Variants in SPSB1 observed in about 807,000 individuals in gnomAD.
SPSB1 encodes SPRY domain-containing SOCS box protein 1.
Under a neutral mutation model 21.2 loss-of-function variants are expected in SPSB1, and 8 were observed. That is an observed-to-expected ratio of 0.38 (90% CI 0.22 to 0.68). The LOEUF is 0.68. Among genes scored for constraint, SPSB1 ranks in the 30% least tolerant of loss-of-function variants. The probability of loss-of-function intolerance (pLI) is 0.53; values close to 1 mark genes in which losing one functional copy is unlikely to be tolerated. For missense variants in SPSB1, 242 were observed against 377.8 expected (o/e 0.64, Z 2.98); for synonymous variants, 169 against 161.7 (o/e 1.05, Z -0.34).
At position 9,293,401 on chromosome 1, in the gene SPSB1, C is replaced by T. The variant is rs1475208068; in HGVS notation, c.-150+330C>T. On this transcript the variant is annotated intron_variant, in intron 1 of 2. Transcript: ENST00000328089. This position sits in a 1 kb window ranked among gnomAD's most constrained non-coding sequence, Gnocchi z 5.1. ...GCGCGGGGACCGTCGCAACGAGTTG[C>T]GGTCCCGAGGAGGGGCTGGGGCGCT... Among the ~76,000 whole-genome samples the T allele has an allele frequency of 6.6e-6, 1 of 151,378 alleles. No homozygotes were observed. The highest frequency in any genetic ancestry group is 2.0e-4 in the East Asian group (1 of 5,128).
intron 1 of SPSB1, among the ~76,000 whole-genome samples, chr1:9,338,445 G>T (rs1640039038): frequency 6.6e-6 from 1 of 152,226 alleles, no homozygotes; most frequent in African/African-American, 2.4e-5. Context: ...GTGGGGGTCA[G>T]TGTACCTAAG....
intron 1 of SPSB1, among the ~76,000 whole-genome samples, chr1:9,307,993 C>T (rs1322696273): frequency 2.0e-5 from 3 of 152,156 alleles, no homozygotes; most frequent in Non-Finnish European, 4.4e-5. Context: ...TCATGGTGCT[C>T]CTCCTCCTGG....
chr1:9,337,765 C>G (rs1640027439), intron 1 of SPSB1, among the ~76,000 whole-genome samples: 1 of 152,226 alleles, frequency 6.6e-6, no homozygotes, highest in Admixed American at 6.5e-5. Context: ...CCTCCCTGCT[C>G]CCTGCCTCCG....
In SPSB1 at chr1:9,292,923, C is replaced by A; in HGVS notation, c.-298C>A. ...AGAAGTCGCGCTCGGGCAGCCTGCG[C>A]GCTCGCAGCAGGAACCAGGCTCCAG... On this transcript the variant is annotated 5_prime_UTR_variant, in exon 1 of 3. Coordinates refer to ENST00000328089, the MANE Select transcript of SPSB1 (RefSeq NM_025106.4). 1 of 975,068 alleles carries A rather than the reference C, an allele frequency of 1.0e-6. No individual in the cohort carries two copies. Among genetic ancestry groups the A allele is most frequent in the Non-Finnish European group, 1.2e-6 (1 of 826,716 alleles). 60.4% of individuals were successfully genotyped at this position (975,068 alleles called of 1,614,324 possible). A position where few individuals can be genotyped will look rare whatever the true frequency, so the allele number is the denominator to read the frequency against.
intron 2 of SPSB1, among the ~76,000 whole-genome samples, chr1:9,360,352 T>C (rs999851697): frequency 5.9e-5 from 9 of 152,194 alleles, no homozygotes; most frequent in African/African-American, 2.2e-4. Context: ...GAATTGGCAG[T>C]TGACCTTGAG....
chr1:9,356,905 G>A lies in SPSB1; in HGVS notation c.694+320G>A, dbSNP rs141205290. 3.0e-3 allele frequency among the ~76,000 whole-genome samples: 463 copies of A among 152,196 alleles called. 2 individuals carry two copies. The highest frequency in any genetic ancestry group is 5.3e-3 in the Non-Finnish European group (362 of 67,994). ...AGATGAGTGAATAATGGATGGATGC[G>A]TGTATAATGAATTGATGGATGAATG... On this transcript the variant is annotated intron_variant, in intron 2 of 2. Coordinates refer to ENST00000328089, the MANE Select transcript of SPSB1 (RefSeq NM_025106.4). This position sits in a 1 kb window ranked among gnomAD's most constrained non-coding sequence, Gnocchi z 7.4.
chr1:9,357,882 C>A (rs1306979092), intron 2 of SPSB1, among the ~76,000 whole-genome samples: 1 of 152,182 alleles, frequency 6.6e-6, no homozygotes, highest in Non-Finnish European at 1.5e-5. Flanking sequence ...TGAGTCCCTT[C>A]TACCGCCTGC....
At chr1:9,308,007 G>A (rs1452266824) in intron 1 of SPSB1, among the ~76,000 whole-genome samples, 3 of 152,186 alleles carry the variant, frequency 2.0e-5, no homozygotes, top group East Asian at 1.9e-4. Flanking sequence ...CTCCTGGGGG[G>A]CAGGAGCTGT....
At position 9,354,245 on chromosome 1, in the gene SPSB1, C is replaced by T. The variant is rs12404231; in HGVS notation, c.-149-1498C>T. On this transcript the variant is annotated intron_variant, in intron 1 of 2. Transcript: ENST00000328089. Reference sequence around the variant, plus strand: ...CCCCTACCCCGGGTTCCTTTGGGTTCTCTTTGTCTCCTTTACTCGGGCACC... The same window carrying T: ...CCCCTACCCCGGGTTCCTTTGGGTTTTCTTTGTCTCCTTTACTCGGGCACC... Among the ~76,000 whole-genome samples, 226 of 152,190 alleles carry T rather than the reference C, an allele frequency of 1.5e-3. 3 individuals are homozygous for T. The highest frequency in any genetic ancestry group is 2.5e-3 in the Non-Finnish European group (167 of 68,022).
Position 9,333,926 on chromosome 1 carries a change from C to T in SPSB1, c.-149-21817C>T, listed in dbSNP as rs146341095. On this transcript the variant is annotated intron_variant, in intron 1 of 2. Coordinates refer to ENST00000328089, the MANE Select transcript of SPSB1 (RefSeq NM_025106.4). ...AGGTGGGGCCTGGCCAGGGATGCTC[C>T]GCCACATTCCTTCTCATTTTTTTGC... 5.4e-3 allele frequency among the ~76,000 whole-genome samples: 817 copies of T among 152,194 alleles called. 8 individuals carry two copies. The highest frequency in any genetic ancestry group is 0.019 in the African/African-American group (779 of 41,518).
intron 1 of SPSB1, among the ~76,000 whole-genome samples, chr1:9,309,883 C>T (rs1386205607): frequency 6.6e-6 from 1 of 152,090 alleles, no homozygotes; most frequent in East Asian, 1.9e-4. Context: ...ATAGTGGTAA[C>T]TGGGGGCCCT....
At chr1:9,307,859 C>T (rs1639445738) in intron 1 of SPSB1, among the ~76,000 whole-genome samples, 1 of 152,198 alleles carries the variant, frequency 6.6e-6, no homozygotes, top group African/African-American at 2.4e-5. Flanking sequence ...ATGATGTGGT[C>T]TTCGGGGTGC....
chr1:9,355,473 C>T (rs1296988521), intron 1 of SPSB1, among the ~76,000 whole-genome samples: 3 of 152,238 alleles, frequency 2.0e-5, no homozygotes, highest in Admixed American at 6.5e-5. Context: ...TGTGTCTGTA[C>T]CCAACACAGA....
chr1:9,367,434 C>A lies in SPSB1; in HGVS notation c.695-14C>A. The A allele has an allele frequency of 1.2e-6, 2 of 1,613,148 alleles. No homozygotes were observed. The highest frequency in any genetic ancestry group is 4.5e-5 in the East Asian group (2 of 44,894). On this transcript the variant is annotated splice_polypyrimidine_tract_variant and intron_variant, in intron 2 of 2. Transcript: ENST00000328089. This position sits in a 1 kb window ranked among gnomAD's most constrained non-coding sequence, Gnocchi z 5.9. ...CCCAAGCTGCGCTGACCTGCAGTTT[C>A]TCTGTCTCCCCAGCCGAGCCGCTGC...
At chr1:9,333,627 G>A (rs564711051) in intron 1 of SPSB1, among the ~76,000 whole-genome samples, 4 of 152,194 alleles carry the variant, frequency 2.6e-5, no homozygotes, top group South Asian at 2.1e-4. Context: ...CACCATGCCC[G>A]CCCTCCTTGT....
At chr1:9,296,103 G>T (rs909674563) in intron 1 of SPSB1, among the ~76,000 whole-genome samples, 1 of 152,150 alleles carries the variant, frequency 6.6e-6, no homozygotes, top group Admixed American at 6.5e-5. Flanking sequence ...GCCCGGCTCT[G>T]TGCTACAGAG....
intron 2 of SPSB1, among the ~76,000 whole-genome samples, chr1:9,357,459 C>A (rs1349713485): frequency 6.6e-6 from 1 of 152,226 alleles, no homozygotes; most frequent in African/African-American, 2.4e-5. Context: ...AGCCCAGTTG[C>A]CAGCATATCA....
intron 1 of SPSB1, among the ~76,000 whole-genome samples, chr1:9,326,529 T>C (rs1017536987): frequency 6.6e-6 from 1 of 152,154 alleles, no homozygotes; most frequent in Non-Finnish European, 1.5e-5. Context: ...GGCTGAATGT[T>C]CTCCCTGGTG....
In SPSB1 at chr1:9,356,142, C is replaced by T. The variant is rs886724235; in HGVS notation, c.251C>T (p.Thr84Met). 2.5e-6 allele frequency: 4 copies of T among 1,592,714 alleles called. No homozygotes were observed. The highest frequency in any genetic ancestry group is 2.6e-6 in the Non-Finnish European group (3 of 1,166,150). The change falls in exon 2 of 3, where the codon ACG becomes ATG. Residue 84 changes from threonine to methionine, a missense_variant. Physicochemically the swap from Thr to Met is moderately conservative, Grantham distance 81. Transcript: ENST00000328089. This position sits in a 1 kb window ranked among gnomAD's most constrained non-coding sequence, Gnocchi z 7.4. ...IFHRHPVAQSTDAIRGKVGYT... is the reference protein window; with the variant it reads ...IFHRHPVAQSMDAIRGKVGYT... ...CACCGGCATCCGGTGGCCCAGAGCA[C>T]GGACGCTATCAGGGGCAAAGTCGGG...
Sources: gnomAD v4.1 joint callset for allele counts (sites outside exome capture counted in the v4.1 genomes callset) on GRCh38, gnomAD v4.1.1 for gene constraint, Gnocchi (gnomAD v3.1) non-coding constraint, MANE v1.5 for transcripts, NCBI Gene and HGNC (gene_info 2026-07-23, HGNC 2026-07-21) for gene names.